PDZRN4: variants seen among roughly 807,000 people sequenced by gnomAD.
PDZRN4 encodes the protein PDZ domain-containing RING finger protein 4.
Under a neutral mutation model 99.0 loss-of-function variants are expected in PDZRN4, and 70 were observed. That is an observed-to-expected ratio of 0.71 (90% CI 0.58 to 0.86). The LOEUF (loss-of-function observed/expected upper bound fraction) is 0.86, where lower values mean the gene tolerates loss of function less well. Ranked by LOEUF, PDZRN4 falls within the 40% of genes least tolerant of loss-of-function variation. The pLI is 0.00. For synonymous variants in PDZRN4, 551 were observed against 501.6 expected (o/e 1.10, Z -1.32); for missense variants, 1,474 against 1,331.2 (o/e 1.11, Z -1.67).
At chr12:41,218,967 G>C (rs1417521705) in intron 3 of PDZRN4, among the ~76,000 whole-genome samples, 1 of 151,744 alleles carries the variant, frequency 6.6e-6, no homozygotes, top group Non-Finnish European at 1.5e-5. Flanking sequence ...ATTTTACTAG[G>C]AATATTATTG....
intron 3 of PDZRN4, among the ~76,000 whole-genome samples, chr12:41,498,859 A>C (rs1195251376): frequency 2.0e-5 from 3 of 152,146 alleles, no homozygotes; most frequent in Non-Finnish European, 4.4e-5. Flanking sequence ...CTCATTTTAG[A>C]TGCAACTACT....
At chr12:41,296,853 G>A (rs570229587) in intron 3 of PDZRN4, among the ~76,000 whole-genome samples, 1 of 152,254 alleles carries the variant, frequency 6.6e-6, no homozygotes, top group East Asian at 1.9e-4. Context: ...TAGCTACCAG[G>A]AGGCTGAGGT....
At chr12:41,302,263 T>C (rs1424589984) in intron 3 of PDZRN4, among the ~76,000 whole-genome samples, 1 of 152,078 alleles carries the variant, frequency 6.6e-6, no homozygotes, top group African/African-American at 2.4e-5. Flanking sequence ...TGTACTTTTG[T>C]ATTTCTACAT....
At chr12:41,475,460 T>C (rs1953032584) in intron 3 of PDZRN4, among the ~76,000 whole-genome samples, 1 of 152,228 alleles carries the variant, frequency 6.6e-6, no homozygotes, top group East Asian at 1.9e-4. Flanking sequence ...ATTGCTTTCA[T>C]GGCATTAATT....
In PDZRN4 at chr12:41,445,729, A is replaced by G. The variant is rs182900226; in HGVS notation, c.844-60727A>G. 1.7e-3 allele frequency among the ~76,000 whole-genome samples: 252 copies of G among 152,160 alleles called. 2 individuals carry two copies. Among genetic ancestry groups the G allele is most frequent in the African/African-American group, 5.6e-3 (234 of 41,554 alleles). The stretch of plus-strand genomic sequence containing the variant: ...AAACAGGATCTGCCTCAATCATTCA[A>G]TCTTTTCCAGGCACTGTTTTCTCTC... On this transcript the variant is annotated intron_variant, in intron 3 of 9. Coordinates refer to ENST00000402685, the MANE Select transcript of PDZRN4 (RefSeq NM_001164595.2).
intron 3 of PDZRN4, among the ~76,000 whole-genome samples, chr12:41,395,205 T>C (rs1272635403): frequency 6.6e-6 from 1 of 151,676 alleles, no homozygotes; most frequent in Non-Finnish European, 1.5e-5. Flanking sequence ...ATACATCCTC[T>C]TGAGTATAGC....
At chr12:41,392,209 G>T (rs1357333582) in intron 3 of PDZRN4, among the ~76,000 whole-genome samples, 2 of 152,086 alleles carry the variant, frequency 1.3e-5, no homozygotes, top group South Asian at 4.2e-4. Context: ...TTCCCCAATG[G>T]CTTCCACTGG....
At chr12:41,409,525 G>T (rs1270223876) in intron 3 of PDZRN4, 1 of 152,084 alleles carries the variant, frequency 6.6e-6, no homozygotes, top group Non-Finnish European at 1.5e-5. Context: ...GGTAATTTCT[G>T]ACCGATTTTT....
chr12:41,255,646 A>C (rs1305476128), intron 3 of PDZRN4, among the ~76,000 whole-genome samples: 1 of 152,148 alleles, frequency 6.6e-6, no homozygotes, highest in African/African-American at 2.4e-5. Context: ...GCTATAAAGA[A>C]ATACCTCAGG....
At chr12:41,326,579 GA>G (rs1206148302) in intron 3 of PDZRN4, among the ~76,000 whole-genome samples, 1 of 152,094 alleles carries the variant, frequency 6.6e-6, no homozygotes, top group Non-Finnish European at 1.5e-5. Flanking sequence ...GCCCACATGG[GA>G]TCAAGATACC....
chr12:41,324,964 A>G (rs937985877), intron 3 of PDZRN4, among the ~76,000 whole-genome samples: 2 of 152,152 alleles, frequency 1.3e-5, no homozygotes, highest in African/African-American at 2.4e-5. Flanking sequence ...TGTGGCTCTC[A>G]TCTGTGCTCA....
In PDZRN4 at chr12:41,395,046, T is replaced by C. The variant is rs1592042048; in HGVS notation, c.844-111410T>C. ...CAGTTCACTTTCTTATCACAAATTA[T>C]TTATATTGCTCCCACTATGCTAAAT... On this transcript the variant is annotated intron_variant, in intron 3 of 9. Coordinates refer to ENST00000402685, the MANE Select transcript of PDZRN4 (RefSeq NM_001164595.2). 2.0e-5 allele frequency among the ~76,000 whole-genome samples: 3 copies of C among 152,250 alleles called. No homozygotes were observed. In the South Asian group the frequency reaches 6.2e-4, roughly 32 times the overall value.
intron 3 of PDZRN4, among the ~76,000 whole-genome samples, chr12:41,347,901 C>T (rs1951866206): frequency 1.3e-5 from 2 of 152,012 alleles, no homozygotes; most frequent in Admixed American, 1.3e-4. Flanking sequence ...TTTTAAGTAA[C>T]TATTATATAG....
chr12:41,268,552 T>C (rs1052229987), intron 3 of PDZRN4, among the ~76,000 whole-genome samples: 4 of 152,242 alleles, frequency 2.6e-5, no homozygotes, highest in African/African-American at 9.6e-5. Flanking sequence ...ATTTGGTTTT[T>C]AATTATTTCC....
At chr12:41,418,350 T>C (rs760717833) in intron 3 of PDZRN4, among the ~76,000 whole-genome samples, 3 of 152,302 alleles carry the variant, frequency 2.0e-5, no homozygotes, top group Non-Finnish European at 4.4e-5. Flanking sequence ...CTGAAAAGCA[T>C]AACTGGAAGA....
intron 3 of PDZRN4, among the ~76,000 whole-genome samples, chr12:41,213,103 A>C (rs1950898266): frequency 6.6e-6 from 1 of 152,170 alleles, no homozygotes; most frequent in South Asian, 2.1e-4. Context: ...TTTGATGTTA[A>C]ATTATATCCT....
intron 8 of PDZRN4, among the ~76,000 whole-genome samples, chr12:41,565,020 G>T (rs1223413735): frequency 1.3e-5 from 2 of 152,074 alleles, no homozygotes; most frequent in African/African-American, 2.4e-5. Context: ...CTTAAACTAT[G>T]CCACATAGTG....
chr12:41,402,127 A>ATATATATATACACACTGAG (rs1952294329), intron 3 of PDZRN4, among the ~76,000 whole-genome samples: 14 of 88,606 alleles, frequency 1.6e-4, no homozygotes, highest in South Asian at 3.6e-4. Context: ...ATATATATAT[A>ATATATATATACACACTGAG]TATATATATA....
intron 3 of PDZRN4, among the ~76,000 whole-genome samples, chr12:41,370,336 A>G (rs923456303): frequency 6.6e-6 from 1 of 152,112 alleles, no homozygotes; most frequent in South Asian, 2.1e-4. Context: ...ACTCTCCTAT[A>G]CAATAAATTA....
Sources: gnomAD v4.1 joint callset for allele counts (sites outside exome capture counted in the v4.1 genomes callset) on GRCh38, gnomAD v4.1.1 for gene constraint, MANE v1.5 for transcripts, NCBI Gene and HGNC (gene_info 2026-07-23, HGNC 2026-07-21) for gene names.